Variants in FRMD4A observed in about 807,000 individuals in gnomAD.
FRMD4A encodes the protein FERM domain-containing protein 4A.
FRMD4A carries 29 observed loss-of-function variants against 129.1 expected under a neutral mutation model. That is an observed-to-expected ratio of 0.22 (90% CI 0.17 to 0.31). The LOEUF is 0.31. Among genes scored for constraint, FRMD4A ranks in the 10% least tolerant of loss-of-function variants. The probability of loss-of-function intolerance (pLI) is 1.00; values close to 1 mark genes in which losing one functional copy is unlikely to be tolerated. For synonymous variants in FRMD4A, 634 were observed against 571.6 expected, an observed-to-expected ratio of 1.11 and a Z score of -1.56; for missense variants, 1,272 against 1,375.8, an observed-to-expected ratio of 0.92 and a Z score of 1.19.
At chr10:14,190,810 AG>A (rs1364056399) in intron 2 of FRMD4A, among the ~76,000 whole-genome samples, 1 of 152,202 alleles carries the variant, frequency 6.6e-6, no homozygotes, top group Non-Finnish European at 1.5e-5. Flanking sequence ...GAAAAGTTTC[AG>A]GGGGTGGATT....
At position 13,682,521 on chromosome 10, in the gene FRMD4A, GAC is replaced by G. The variant is rs1371848882; in HGVS notation, c.1118-7479_1118-7478del. On this transcript the variant is annotated intron_variant, in intron 15 of 24. Coordinates refer to ENST00000357447, the MANE Select transcript of FRMD4A (RefSeq NM_018027.5). ...TCTTTTTTTTTTTTTTTTTTTTTGA[GAC>G]AGAGTCTCGCTTTGTCACCAAAGCT... 7.7e-4 allele frequency among the ~76,000 whole-genome samples: 82 copies of G among 106,730 alleles called. 1 individual carries two copies. In the East Asian group the frequency reaches 0.018, roughly 23 times the overall value. 70.0% of individuals were successfully genotyped at this position (106,730 alleles called of 152,430 possible).
At chr10:14,319,897 T>C (rs574268070) in intron 2 of FRMD4A, among the ~76,000 whole-genome samples, 3 of 152,286 alleles carry the variant, frequency 2.0e-5, no homozygotes, top group Non-Finnish European at 2.9e-5. Context: ...AAATGGTATT[T>C]CCCACTCCAG....
intron 2 of FRMD4A, among the ~76,000 whole-genome samples, chr10:14,143,601 G>T (rs774970507): frequency 2.6e-5 from 4 of 152,150 alleles, no homozygotes; most frequent in Non-Finnish European, 4.4e-5. Context: ...GGTTACAATA[G>T]TTTTTTGTTG....
intron 2 of FRMD4A, among the ~76,000 whole-genome samples, chr10:14,155,381 G>A (rs1449901634): frequency 1.3e-5 from 2 of 152,186 alleles, no homozygotes; most frequent in Non-Finnish European, 2.9e-5. Context: ...ACTGGTAAGA[G>A]TCACCTTGAT....
chr10:13,651,622 G>A (rs896674320), intron 24 of FRMD4A: 29 of 347,106 alleles, frequency 8.4e-5, no homozygotes, highest in African/African-American at 5.7e-4. Flanking sequence ...GCAGTGAGCC[G>A]AGATCATGCC....
chr10:14,322,436 G>T (rs1843097496), intron 2 of FRMD4A, among the ~76,000 whole-genome samples: 1 of 152,194 alleles, frequency 6.6e-6, no homozygotes, highest in Non-Finnish European at 1.5e-5. Flanking sequence ...GAATAAATCT[G>T]ATAAAGCATT....
chr10:13,849,058 T>A (rs760355127), intron 3 of FRMD4A, among the ~76,000 whole-genome samples: 1 of 152,224 alleles, frequency 6.6e-6, no homozygotes, highest in African/African-American at 2.4e-5. Flanking sequence ...GCTCATTTGG[T>A]GGAGTGCCCA....
rs1385447689 is a variant in FRMD4A at position 14,265,864 on chromosome 10, A to G, written c.45+64194T>C. ...GGGAAGGGAGAGGGAACCATTTATC[A>G]TAAATCCCTCCTGGGGTGCCTCATC... On this transcript the variant is annotated intron_variant, in intron 2 of 24. Coordinates refer to ENST00000357447, the MANE Select transcript of FRMD4A (RefSeq NM_018027.5). 2.0e-5 allele frequency among the ~76,000 whole-genome samples: 3 copies of G among 152,228 alleles called. No individual in the cohort carries two copies. The East Asian group carries it at 5.8e-4, about 29-fold the overall frequency.
intron 2 of FRMD4A, among the ~76,000 whole-genome samples, chr10:14,286,395 C>T (rs1845681814): frequency 6.6e-6 from 1 of 152,188 alleles, no homozygotes; most frequent in South Asian, 2.1e-4. Context: ...GCTGAGTGAA[C>T]TTCTGCAACT....
At chr10:14,153,301 G>C (rs1840433248) in intron 2 of FRMD4A, among the ~76,000 whole-genome samples, 1 of 152,198 alleles carries the variant, frequency 6.6e-6, no homozygotes, top group Non-Finnish European at 1.5e-5. Context: ...GCTCCACATG[G>C]ATGCTAACTT....
chr10:13,979,765 G>A (rs765183577), intron 2 of FRMD4A, among the ~76,000 whole-genome samples: 15 of 152,046 alleles, frequency 9.9e-5, no homozygotes, highest in African/African-American at 2.7e-4. Context: ...AATCTCTAGC[G>A]TCTTGAGTGT....
intron 2 of FRMD4A, among the ~76,000 whole-genome samples, chr10:13,867,457 C>T (rs915138156): frequency 2.7e-5 from 4 of 150,032 alleles, no homozygotes; most frequent in Admixed American, 1.4e-4. Context: ...TATGGGGACT[C>T]GCCATGTTGT....
intron 2 of FRMD4A, among the ~76,000 whole-genome samples, chr10:14,230,931 A>G (rs1251073513): frequency 2.0e-5 from 3 of 152,202 alleles, no homozygotes; most frequent in Non-Finnish European, 4.4e-5. Context: ...AATGGCCTCC[A>G]GCTGCATCCA....
At chr10:13,809,587 C>T (rs577672737) in intron 4 of FRMD4A, among the ~76,000 whole-genome samples, 1 of 152,186 alleles carries the variant, frequency 6.6e-6, no homozygotes, top group Non-Finnish European at 1.5e-5. Flanking sequence ...CTTACTTGGC[C>T]CTGCCTGCAA....
chr10:14,267,371 A>G (rs1192314965), intron 2 of FRMD4A, among the ~76,000 whole-genome samples: 2 of 152,296 alleles, frequency 1.3e-5, no homozygotes, highest in East Asian at 3.9e-4. Flanking sequence ...TTCTTATAAT[A>G]TCCCTGGTAA....
chr10:14,294,266 A>T (rs1845939585), intron 2 of FRMD4A, among the ~76,000 whole-genome samples: 1 of 152,216 alleles, frequency 6.6e-6, no homozygotes. Flanking sequence ...CTTTAATATA[A>T]GAAATAGGCA....
chr10:14,016,698 G>T (rs757552331), intron 2 of FRMD4A, among the ~76,000 whole-genome samples: 3 of 151,878 alleles, frequency 2.0e-5, no homozygotes, highest in Non-Finnish European at 4.4e-5. Flanking sequence ...AATCACACAT[G>T]ACAAAGGAAG....
At chr10:14,043,132 T>C (rs929753315) in intron 2 of FRMD4A, among the ~76,000 whole-genome samples, 3 of 152,136 alleles carry the variant, frequency 2.0e-5, no homozygotes, top group Non-Finnish European at 4.4e-5. Context: ...AGCATCCTTT[T>C]ACTTCCAGAA....
intron 2 of FRMD4A, among the ~76,000 whole-genome samples, chr10:13,884,310 C>G (rs1300062821): frequency 1.3e-5 from 2 of 151,856 alleles, no homozygotes; most frequent in East Asian, 3.9e-4. Flanking sequence ...GCATTAATGA[C>G]TTGGGTGGAA....
Sources: allele counts gnomAD v4.1 joint callset (sites outside exome capture counted in the v4.1 genomes callset), GRCh38; gene constraint gnomAD v4.1.1; transcripts MANE v1.5; gene names NCBI Gene and HGNC (gene_info 2026-07-23, HGNC 2026-07-21).